Variants in CCDC6 observed in about 807,000 individuals in gnomAD.
CCDC6 encodes the protein coiled-coil domain-containing protein 6.
A neutral mutation model predicts 56.6 loss-of-function variants in CCDC6; 20 were observed. The observed-to-expected ratio is 0.35, with a 90% CI of 0.25 to 0.51. The LOEUF (loss-of-function observed/expected upper bound fraction) is 0.51. CCDC6 is among the 20% of genes least tolerant of loss of function. The pLI, the probability that CCDC6 is intolerant of heterozygous loss-of-function variation, is 0.95. For missense variants in CCDC6, 367 were observed against 601.1 expected (o/e 0.61, Z 4.07); for synonymous variants, 241 against 234.4 (o/e 1.03, Z -0.26).
At chr10:59,890,116 T>A (rs1251451994) in intron 1 of CCDC6, among the ~76,000 whole-genome samples, 1 of 152,182 alleles carries the variant, frequency 6.6e-6, no homozygotes, top group Non-Finnish European at 1.5e-5. Context: ...ACATGACTGA[T>A]GTCTCGTCCC....
intron 1 of CCDC6, among the ~76,000 whole-genome samples, chr10:59,861,731 T>C (rs1487572990): frequency 6.6e-6 from 1 of 152,174 alleles, no homozygotes; most frequent in Non-Finnish European, 1.5e-5. Context: ...CTTAAGAACC[T>C]TTACTCAGTA....
Position 59,906,336 on chromosome 10 carries a change from G to A in CCDC6, c.89C>T (p.Thr30Ile), listed in dbSNP as rs1481080802. ...SAAMQSSCSS[T>I]SGGGGGGGGG... is the part of the protein sequence containing the mutation. The stretch of plus-strand genomic sequence containing the variant: ...CCCGCCGCCACCGCCGCCGCCCGAG[G>A]TCGACGAGCAGGACGACTGCATGGC... Residue 30 changes from threonine to isoleucine, a missense_variant, in exon 1 of 9, where the codon ACC becomes ATC. By Grantham distance (89) the Thr-to-Ile change is moderately conservative. Around this residue, in one of 7 missense-constraint regions of CCDC6, gnomAD observed 79 missense variants for 74.9 expected, o/e 1.05. Coordinates refer to ENST00000263102, the MANE Select transcript of CCDC6 (RefSeq NM_005436.5). 6.3e-7 allele frequency: 1 copy of A among 1,599,426 alleles called. No individual in the cohort carries two copies. The highest frequency in any genetic ancestry group is 1.1e-5 in the South Asian group (1 of 90,930).
At position 59,791,649 on chromosome 10, in the gene CCDC6, C is replaced by T. The variant is rs950289939; in HGVS notation, c.*1268G>A. ...TCCACAGCATATATAAATATGCAAA[C>T]ACAGGTGGTAAAAATCACTTTACTA... On this transcript the variant is annotated 3_prime_UTR_variant, in exon 9 of 9. Transcript: ENST00000263102. The T allele has an allele frequency of 8.2e-5, 17 of 207,266 alleles. No individual in the cohort carries two copies. The highest frequency in any genetic ancestry group is 3.6e-4 in the African/African-American group (16 of 43,914). 12.8% of individuals were successfully genotyped at this position (207,266 alleles called of 1,614,324 possible).
At chr10:59,838,527 A>G (rs1009628958) in intron 2 of CCDC6, among the ~76,000 whole-genome samples, 2 of 152,124 alleles carry the variant, frequency 1.3e-5, no homozygotes, top group African/African-American at 4.8e-5. Context: ...CACACTACTC[A>G]GTTGATGTGA....
chr10:59,867,446 A>G (rs1408923611), intron 1 of CCDC6, among the ~76,000 whole-genome samples: 1 of 152,184 alleles, frequency 6.6e-6, no homozygotes, highest in African/African-American at 2.4e-5. Flanking sequence ...TTCTCTCTGA[A>G]GCCTGCTACT....
chr10:59,795,287 C>T (rs1270457987), intron 7 of CCDC6, among the ~76,000 whole-genome samples: 1 of 151,640 alleles, frequency 6.6e-6, no homozygotes, highest in East Asian at 1.9e-4. Flanking sequence ...TCAAATAGTC[C>T]AATGAAAAAA....
At chr10:59,893,372 G>T (rs1181135124) in intron 1 of CCDC6, among the ~76,000 whole-genome samples, 2 of 152,156 alleles carry the variant, frequency 1.3e-5, no homozygotes, top group African/African-American at 4.8e-5. Flanking sequence ...GCTGAGGTGG[G>T]AGTATCGCTT....
At chr10:59,854,135 C>A (rs2071061150) in intron 1 of CCDC6, among the ~76,000 whole-genome samples, 1 of 152,040 alleles carries the variant, frequency 6.6e-6, no homozygotes. Flanking sequence ...ACCAGACAGG[C>A]AGAAGACGAA....
At chr10:59,834,496 G>A (rs1306160389) in intron 2 of CCDC6, among the ~76,000 whole-genome samples, 1 of 151,684 alleles carries the variant, frequency 6.6e-6, no homozygotes, top group East Asian at 1.9e-4. Flanking sequence ...CAGGGAGGCG[G>A]AGGTTGCAGT....
intron 2 of CCDC6, among the ~76,000 whole-genome samples, chr10:59,841,956 G>A (rs1000738886): frequency 6.6e-6 from 1 of 151,944 alleles, no homozygotes; most frequent in Non-Finnish European, 1.5e-5. Flanking sequence ...GTGAGCCACC[G>A]CGCCCGACCC....
At position 59,791,199 on chromosome 10, in the gene CCDC6, C is replaced by T. The variant is rs192026869; in HGVS notation, c.*1718G>A. The T allele has an allele frequency of 7.6e-4, 147 of 194,658 alleles. 1 individual carries two copies. Among genetic ancestry groups the T allele is most frequent in the Middle Eastern group, 5.5e-3 (3 of 548 alleles). 12.1% of individuals were successfully genotyped at this position (194,658 alleles called of 1,614,324 possible). A position where few individuals can be genotyped will look rare whatever the true frequency, so the allele number is the denominator to read the frequency against. ...CTGTATTATGATTATGTATATTACA[C>T]ATACATTATAAATAAAATTTATATA... On this transcript the variant is annotated 3_prime_UTR_variant, in exon 9 of 9. Transcript: ENST00000263102.
At position 59,788,885 on chromosome 10, in the gene CCDC6, A is replaced by T. The variant is rs2070442430; in HGVS notation, c.*4032T>A. On this transcript the variant is annotated 3_prime_UTR_variant, in exon 9 of 9. Transcript: ENST00000263102. ...CTTACATCTCTCTAAACTCTGACCAAGAATGTCAAGATTGCCACTATTACC... is the reference window on the plus strand; with the variant it reads ...CTTACATCTCTCTAAACTCTGACCATGAATGTCAAGATTGCCACTATTACC... The T allele has an allele frequency of 9.6e-6, 2 of 208,624 alleles. No individual in the cohort carries two copies. Among genetic ancestry groups the T allele is most frequent in the African/African-American group, 4.5e-5 (2 of 43,976 alleles). The allele number at this position is 208,624 out of a possible 1,614,324, so 12.9% of individuals were successfully genotyped here.
intron 5 of CCDC6, among the ~76,000 whole-genome samples, chr10:59,811,477 G>T (rs144225942): frequency 6.6e-6 from 1 of 152,346 alleles, no homozygotes; most frequent in African/African-American, 2.4e-5. Flanking sequence ...TATGGGACTA[G>T]TTGAATTATG....
intron 7 of CCDC6, among the ~76,000 whole-genome samples, chr10:59,802,896 T>C (rs928180277): frequency 6.6e-6 from 1 of 152,190 alleles, no homozygotes; most frequent in Non-Finnish European, 1.5e-5. Context: ...TTTAAATAAA[T>C]CAAACAGGGT....
At chr10:59,861,432 C>CAAAAAAAAAAAAAAAA (rs55716341) in intron 1 of CCDC6, among the ~76,000 whole-genome samples, 2 of 88,960 alleles carry the variant, frequency 2.2e-5, no homozygotes, top group African/African-American at 8.2e-5. Flanking sequence ...CAAAAATTAC[C>CAAAAAAAAAAAAAAAA]AAAAAAAAAA....
At chr10:59,861,431 C>CAAAAAAAAAA (rs2071127497) in intron 1 of CCDC6, among the ~76,000 whole-genome samples, 1 of 55,040 alleles carries the variant, frequency 1.8e-5, no homozygotes, top group Non-Finnish European at 3.7e-5. Flanking sequence ...TCAAAAATTA[C>CAAAAAAAAAA]CAAAAAAAAA....
intron 3 of CCDC6, among the ~76,000 whole-genome samples, chr10:59,828,827 C>A (rs1219527774): frequency 6.6e-6 from 1 of 152,172 alleles, no homozygotes; most frequent in Non-Finnish European, 1.5e-5. Flanking sequence ...AGAGCTGATG[C>A]CCCTACCCCT....
At chr10:59,826,784 C>T (rs889899058) in intron 3 of CCDC6, among the ~76,000 whole-genome samples, 1 of 152,134 alleles carries the variant, frequency 6.6e-6, no homozygotes, top group Non-Finnish European at 1.5e-5. Flanking sequence ...GGTAGTGAAA[C>T]ATTTGAGGCT....
At chr10:59,892,483 A>G (rs919535083) in intron 1 of CCDC6, among the ~76,000 whole-genome samples, 1 of 152,016 alleles carries the variant, frequency 6.6e-6, no homozygotes, top group Non-Finnish European at 1.5e-5. Flanking sequence ...AGGCTCCCCA[A>G]CCTGCGGTGC....
Sources: gnomAD v4.1 joint callset for allele counts (sites outside exome capture counted in the v4.1 genomes callset) on GRCh38, gnomAD v4.1.1 for gene constraint, gnomAD v4.1.1 regional missense constraint, MANE v1.5 for transcripts, NCBI Gene and HGNC (gene_info 2026-07-23, HGNC 2026-07-21) for gene names.